NCOR2: variants seen among roughly 807,000 people sequenced by gnomAD.
NCOR2 encodes the protein nuclear receptor corepressor 2.
A neutral mutation model predicts 262.9 loss-of-function variants in NCOR2; 81 were observed. That is an observed-to-expected ratio of 0.31 (90% CI 0.26 to 0.37). The LOEUF (loss-of-function observed/expected upper bound fraction) is 0.37, where lower values mean the gene tolerates loss of function less well. Ranked by LOEUF, NCOR2 falls within the 10% of genes least tolerant of loss-of-function variation. NCOR2 has a pLI of 1.00. For synonymous variants in NCOR2, 1,659 were observed against 1,559.3 expected, an observed-to-expected ratio of 1.06 and a Z score of -1.51; for missense variants, 3,385 against 3,621.4, an observed-to-expected ratio of 0.93 and a Z score of 1.68.
At chr12:124,511,925 T>A (rs1049762189) in intron 1 of NCOR2, among the ~76,000 whole-genome samples, 2 of 152,320 alleles carry the variant, frequency 1.3e-5, no homozygotes, top group East Asian at 3.9e-4. Flanking sequence ...TTTATTTTTA[T>A]TTTTTTATTA....
intron 19 of NCOR2, 29 bp downstream of exon 21, chr12:124,374,383 AC>A (rs764192572): frequency 1.2e-5 from 20 of 1,608,602 alleles, no homozygotes; most frequent in Non-Finnish European, 1.5e-5. Flanking sequence ...GCCCGGCCCT[AC>A]CCCCCAGGCC....
At chr12:124,394,956 T>C (rs1368825480) in intron 16 of NCOR2, among the ~76,000 whole-genome samples, 4 of 152,072 alleles carry the variant, frequency 2.6e-5, no homozygotes, top group Admixed American at 6.5e-5. Context: ...TGAGACCTGG[T>C]TTCTCCCTAG....
chr12:124,436,006 C>T (rs1456432787), intron 8 of NCOR2, among the ~76,000 whole-genome samples: 1 of 152,224 alleles, frequency 6.6e-6, no homozygotes, highest in Non-Finnish European at 1.5e-5. Flanking sequence ...CAACAGGCAC[C>T]GGAAGGGCAG....
rs1047110965 is a variant in NCOR2 at position 124,466,696 on chromosome 12, G to T, written c.592-410C>A. On this transcript the variant is annotated intron_variant, in intron 4 of 46. Transcript: ENST00000405201. ...CGAGCCGGCATTATTACCCATTACG[G>T]TTCCTACAGGCAGCATCAGTGCTAG... Among the ~76,000 whole-genome samples the T allele has an allele frequency of 3.9e-5, 6 of 152,050 alleles. 1 individual carries two copies. The highest frequency in any genetic ancestry group is 3.9e-4 in the Admixed American group (6 of 15,276).
At chr12:124,376,206 A>C (rs1439197063) in intron 18 of NCOR2, among the ~76,000 whole-genome samples, 1 of 152,194 alleles carries the variant, frequency 6.6e-6, no homozygotes, top group East Asian at 1.9e-4. Flanking sequence ...CTGTCACAGA[A>C]GCCTCAGCTC....
chr12:124,496,027 T>C (rs368447569), upstream of NCOR2, among the ~76,000 whole-genome samples: 9 of 152,090 alleles, frequency 5.9e-5, no homozygotes, highest in South Asian at 2.1e-4. The surrounding 1 kb of genome is among the most constrained non-coding windows in gnomAD (Gnocchi z 4.4). Context: ...AGCCTAGGGA[T>C]AGGTACCCCA....
chr12:124,405,574 C>G (rs1593395662), intron 13 of NCOR2, among the ~76,000 whole-genome samples: 1 of 152,252 alleles, frequency 6.6e-6, no homozygotes, highest in East Asian at 1.9e-4. Flanking sequence ...AGCAGAGCAG[C>G]CCTGGCCTTA....
intron 25 of NCOR2, 125 bp downstream of exon 27, chr12:124,354,712 A>T (rs2037806642): frequency 2.3e-6 from 3 of 1,287,982 alleles, no homozygotes; most frequent in Non-Finnish European, 3.2e-6. Flanking sequence ...AGGGCTGCTG[A>T]GGGGGGACCT....
chr12:124,372,183 G>A (rs377406607), exon 20 of NCOR2: 142 of 1,601,368 alleles, frequency 8.9e-5, no homozygotes, highest in Admixed American at 2.7e-4. Flanking sequence ...TGGCCTCAGC[G>A]GCCTCCGCGT....
At chr12:124,330,504 C>T (rs943575592) in intron 44 of NCOR2, among the ~76,000 whole-genome samples, 1 of 152,242 alleles carries the variant, frequency 6.6e-6, no homozygotes, top group Non-Finnish European at 1.5e-5. Context: ...GCTCTGAGCT[C>T]AGGCCCACCC....
Position 124,445,563 on chromosome 12 carries a change from C to A in NCOR2, c.815+4252G>T, listed in dbSNP as rs375879150. 2.1e-4 allele frequency among the ~76,000 whole-genome samples: 32 copies of A among 152,310 alleles called. No homozygotes were observed. In the East Asian group the frequency reaches 5.8e-3, roughly 28 times the overall value. ...CGGGGCAAGGTCTCTGGGGAGGGAACGACCTCCCACCTAGAAGCAATGACA... is the reference window on the plus strand; with the variant it reads ...CGGGGCAAGGTCTCTGGGGAGGGAAAGACCTCCCACCTAGAAGCAATGACA... On this transcript the variant is annotated intron_variant, in intron 7 of 46. Coordinates refer to ENST00000405201, the Ensembl canonical transcript of NCOR2.
rs1040905474 is a variant in NCOR2 at position 124,520,358 on chromosome 12, C to T, written c.-118+15207G>A. ...ACACCCAGGCCAAACTGGCCCCATGCAAACACCACCAGGAAGCGGTGCCTG... is the reference window on the plus strand; with the variant it reads ...ACACCCAGGCCAAACTGGCCCCATGTAAACACCACCAGGAAGCGGTGCCTG... On this transcript the variant is annotated intron_variant, in intron 1 of 46. Coordinates refer to the NCOR2 transcript ENST00000404621. 8.5e-5 allele frequency among the ~76,000 whole-genome samples: 13 copies of T among 152,230 alleles called. 1 individual carries two copies. The highest frequency in any genetic ancestry group is 3.1e-4 in the African/African-American group (13 of 41,458).
At chr12:124,489,497 G>A (rs953986420) in intron 1 of NCOR2, among the ~76,000 whole-genome samples, 4 of 152,184 alleles carry the variant, frequency 2.6e-5, no homozygotes, top group Non-Finnish European at 5.9e-5. Flanking sequence ...TCTGAGGAGG[G>A]ACAAGAGGGG....
chr12:124,363,107 G>C (rs1593222645), intron 21 of NCOR2, among the ~76,000 whole-genome samples: 1 of 152,264 alleles, frequency 6.6e-6, no homozygotes, highest in East Asian at 1.9e-4. Flanking sequence ...ACAGGATTCT[G>C]TGGGCCTCGG....
In NCOR2 at chr12:124,326,375, AGG is replaced by A. The variant is rs1490922334; in HGVS notation, c.7184-7_7184-6del. 4.7e-6 allele frequency: 7 copies of A among 1,487,244 alleles called. No individual in the cohort carries two copies. Among genetic ancestry groups the A allele is most frequent in the Non-Finnish European group, 6.2e-6 (7 of 1,124,054 alleles). The allele number at this position is 1,487,244 out of a possible 1,614,324, so 92.1% of individuals were successfully genotyped here. A position where few individuals can be genotyped will look rare whatever the true frequency, so the allele number is the denominator to read the frequency against. On this transcript the variant is annotated splice_region_variant and splice_polypyrimidine_tract_variant and intron_variant, in intron 45 of 46. Coordinates refer to ENST00000405201, the Ensembl canonical transcript of NCOR2. ...CCTTGGCCTTCCCGCCGCCACCTGC[AGG>A]GGGACAAGATGGGAAGGGGCTGCGT... is the stretch of plus-strand genomic sequence containing the variant.
chr12:124,467,301 C>T (rs2046486287), intron 4 of NCOR2, among the ~76,000 whole-genome samples: 1 of 49,396 alleles, frequency 2.0e-5, no homozygotes. Context: ...TCCTCATCAC[C>T]CTCATCCTCA....
intron 32 of NCOR2, 75 bp downstream of exon 34, chr12:124,344,522 C>T (rs534665135): frequency 7.6e-7 from 1 of 1,318,954 alleles, no homozygotes; most frequent in East Asian, 2.6e-5. Context: ...GCAAACTAAG[C>T]TAATGGTGGA....
chr12:124,416,665 A>G (rs1341812334), intron 13 of NCOR2, among the ~76,000 whole-genome samples: 1 of 130,158 alleles, frequency 7.7e-6, no homozygotes, highest in African/African-American at 3.0e-5. Flanking sequence ...GAGACCCCAC[A>G]GCACAGGGAG....
chr12:124,336,509 C>T, intron 38 of NCOR2: 4 of 1,097,134 alleles, frequency 3.6e-6, no homozygotes, highest in Non-Finnish European at 4.8e-6. Context: ...TGCAAACCGG[C>T]GAGGACGGAT....
Sources: allele counts gnomAD v4.1 joint callset (sites outside exome capture counted in the v4.1 genomes callset), GRCh38; gene constraint gnomAD v4.1.1; non-coding constraint Gnocchi (gnomAD v3.1); transcripts MANE v1.5; gene names NCBI Gene and HGNC (gene_info 2026-07-23, HGNC 2026-07-21).